BLK: variants seen among roughly 807,000 people sequenced by gnomAD.
BLK encodes tyrosine-protein kinase Blk.
BLK carries 64 observed loss-of-function variants against 61.8 expected under a neutral mutation model. The observed-to-expected ratio is 1.03, with a 90% CI of 0.85 to 1.27. The LOEUF is 1.27. Ranked by LOEUF, BLK falls within the 50% of genes most tolerant of loss-of-function variation. BLK has a pLI of 0.00. For synonymous variants in BLK, 351 were observed against 272.0 expected (o/e 1.29, Z -2.86); for missense variants, 853 against 660.5 (o/e 1.29, Z -3.19).
At chr8:11,522,377 A>G (rs1799488748) in intron 1 of BLK, among the ~76,000 whole-genome samples, 1 of 152,224 alleles carries the variant, frequency 6.6e-6, no homozygotes, top group South Asian at 2.1e-4. Context: ...TGGTGAGAAT[A>G]TGGGGAAAAT....
chr8:11,529,887 C>T lies in BLK; in HGVS notation c.-1-13337C>T, dbSNP rs992615360. On this transcript the variant is annotated intron_variant, in intron 1 of 12. Coordinates refer to ENST00000259089, the MANE Select transcript of BLK (RefSeq NM_001715.3). ...GCTTCAGGAGTCCCTGTAGAACTGACCTGAAGCCTCAAGGAATCCAGGTGA... is the reference window on the plus strand; with the variant it reads ...GCTTCAGGAGTCCCTGTAGAACTGATCTGAAGCCTCAAGGAATCCAGGTGA... Among the ~76,000 whole-genome samples, 16 of 152,242 alleles carry T rather than the reference C, an allele frequency of 1.1e-4. No individual in the cohort carries two copies. The South Asian group carries it at 3.1e-3, about 30-fold the overall frequency.
intron 3 of BLK, among the ~76,000 whole-genome samples, chr8:11,546,608 T>C (rs1005229386): frequency 2.0e-5 from 3 of 152,156 alleles, no homozygotes; most frequent in Non-Finnish European, 2.9e-5. Context: ...AGAGTCTCGC[T>C]CTTGTCACCC....
chr8:11,500,701 T>C (rs1462300396), intron 1 of BLK, among the ~76,000 whole-genome samples: 4 of 151,286 alleles, frequency 2.6e-5, no homozygotes, highest in East Asian at 3.9e-4. Context: ...TTTGTAGAGA[T>C]GGGTTTTTAC....
intron 1 of BLK, among the ~76,000 whole-genome samples, chr8:11,527,022 C>A (rs973659069): frequency 1.3e-5 from 2 of 152,130 alleles, no homozygotes; most frequent in African/African-American, 4.8e-5. Flanking sequence ...TTTCTTATAA[C>A]TCATGTCATT....
rs561962462 is a variant in BLK at position 11,545,497 on chromosome 8, C to T, written c.124-555C>T. Reference sequence around the variant, plus strand: ...TGAGGAGGCGGAGGTTGCAGTGATCCGAGATTACGCCACTGCACTCCAGCC... The same window carrying T: ...TGAGGAGGCGGAGGTTGCAGTGATCTGAGATTACGCCACTGCACTCCAGCC... On this transcript the variant is annotated intron_variant, in intron 2 of 12. Coordinates refer to ENST00000259089, the MANE Select transcript of BLK (RefSeq NM_001715.3). 3.3e-3 allele frequency among the ~76,000 whole-genome samples: 503 copies of T among 152,088 alleles called. 8 individuals carry two copies. Among genetic ancestry groups the T allele is most frequent in the Non-Finnish European group, 3.5e-3 (236 of 67,988 alleles).
In BLK at chr8:11,522,897, C is replaced by T. The variant is rs182402575; in HGVS notation, c.-1-20327C>T. 2.7e-3 allele frequency among the ~76,000 whole-genome samples: 418 copies of T among 152,112 alleles called. 4 individuals carry two copies. The highest frequency in any genetic ancestry group is 9.5e-3 in the African/African-American group (396 of 41,468). ...GGTTAACACCTACTAACTCCATGAT[C>T]ATTATTAATTTTGGAGAGAAAGAGA... is the stretch of plus-strand genomic sequence containing the variant. On this transcript the variant is annotated intron_variant, in intron 1 of 12. Coordinates refer to ENST00000259089, the MANE Select transcript of BLK (RefSeq NM_001715.3).
intron 1 of BLK, among the ~76,000 whole-genome samples, chr8:11,497,320 C>G (rs1012802291): frequency 6.6e-6 from 1 of 152,184 alleles, no homozygotes; most frequent in Non-Finnish European, 1.5e-5. Flanking sequence ...AGCAGCCCTC[C>G]CATTTGTGGA....
chr8:11,537,055 C>G (rs538452223), intron 1 of BLK, among the ~76,000 whole-genome samples: 35 of 152,324 alleles, frequency 2.3e-4, no homozygotes, highest in African/African-American at 8.4e-4. Context: ...TTGCTAGGAA[C>G]TGTTATCGGG....
At chr8:11,519,729 G>A (rs1275246627) in intron 1 of BLK, among the ~76,000 whole-genome samples, 2 of 152,154 alleles carry the variant, frequency 1.3e-5, no homozygotes, top group Non-Finnish European at 2.9e-5. Flanking sequence ...GATCAAGGAA[G>A]CTGACAAATA....
chr8:11,549,080 C>T lies in BLK; in HGVS notation c.326C>T (p.Pro109Leu), dbSNP rs1381179922. Reference protein sequence around the residue: ...SLVTGREGYVPSNFVARVESL... With the variant: ...SLVTGREGYVLSNFVARVESL... Reference sequence around the variant, plus strand: ...GTCACAGGAAGAGAAGGCTATGTGCCCAGTAACTTTGTGGCCCGAGTGGAG... The same window carrying T: ...GTCACAGGAAGAGAAGGCTATGTGCTCAGTAACTTTGTGGCCCGAGTGGAG... Residue 109 changes from proline (P) to leucine (L), a missense_variant, in exon 5 of 13, where the codon CCC becomes CTC. Coordinates refer to ENST00000259089, the MANE Select transcript of BLK (RefSeq NM_001715.3). 1.9e-6 allele frequency: 3 copies of T among 1,611,818 alleles called. No individual in the cohort carries two copies. The highest frequency in any genetic ancestry group is 2.5e-6 in the Non-Finnish European group (3 of 1,179,218).
rs780185322 is a variant in BLK at position 11,561,391 on chromosome 8, C to T, written c.1119C>T (p.Cys373=). 2.5e-6 allele frequency: 4 copies of T among 1,614,018 alleles called. No individual in the cohort carries two copies. The highest frequency in any genetic ancestry group is 2.2e-5 in the South Asian group (2 of 91,064). The change falls in exon 11 of 13, where the codon TGC becomes TGT. Residue 373 remains cysteine, a synonymous_variant. Transcript: ENST00000259089. ...AANILVSEAL[C]CKIADFGLAR... is the part of the protein sequence containing the mutation. ...ACATCCTGGTGTCTGAGGCCTTGTG[C>T]TGCAAAATTGCTGATTTTGGCTTGG...
At chr8:11,519,064 G>A (rs1585345687) in intron 1 of BLK, among the ~76,000 whole-genome samples, 2 of 152,150 alleles carry the variant, frequency 1.3e-5, no homozygotes, top group East Asian at 3.9e-4. Context: ...TACTTTGCTA[G>A]TCTGCCATCT....
chr8:11,561,864 G>T (rs1034528580), intron 11 of BLK, among the ~76,000 whole-genome samples: 1 of 151,646 alleles, frequency 6.6e-6, no homozygotes, highest in Admixed American at 6.6e-5. Context: ...TGTCACCCAG[G>T]CTGGAGTGCA....
rs575352968 is a variant in BLK at position 11,495,290 on chromosome 8, G to C, written c.-2+699G>C. Among the ~76,000 whole-genome samples, 5 of 149,420 alleles carry C rather than the reference G, an allele frequency of 3.3e-5. No homozygotes were observed. In the South Asian group the frequency reaches 1.1e-3, roughly 33 times the overall value. On this transcript the variant is annotated intron_variant, in intron 1 of 12. Transcript: ENST00000259089. ...ACCCTCATCCACCCACATTACCAAGGAACTAAGGAATTGTGCGTTTGCAGT... is the reference window on the plus strand; with the variant it reads ...ACCCTCATCCACCCACATTACCAAGCAACTAAGGAATTGTGCGTTTGCAGT...
intron 1 of BLK, among the ~76,000 whole-genome samples, chr8:11,516,356 C>G (rs1480786166): frequency 6.6e-6 from 1 of 152,198 alleles, no homozygotes; most frequent in East Asian, 1.9e-4. Flanking sequence ...TCACAGACCC[C>G]GAGTCCTGCA....
Position 11,541,988 on chromosome 8 carries a change from T to G in BLK, c.-1-1236T>G, listed in dbSNP as rs141483626. On this transcript the variant is annotated intron_variant, in intron 1 of 12. Transcript: ENST00000259089. ...TATGTGTTCTGTATGTAAGGCATAC[T>G]TGAAAAAACATACTTGTGAATTTTT... Among the ~76,000 whole-genome samples, 1,045 of 152,328 alleles carry G rather than the reference T, an allele frequency of 6.9e-3. 7 individuals carry two copies. The highest frequency in any genetic ancestry group is 9.7e-3 in the Non-Finnish European group (661 of 68,032).
intron 1 of BLK, among the ~76,000 whole-genome samples, chr8:11,526,922 A>G (rs543113307): frequency 1.3e-5 from 2 of 152,364 alleles, no homozygotes; most frequent in South Asian, 4.1e-4. Flanking sequence ...AAAATTTGCC[A>G]TTTGAGGGAG....
At chr8:11,503,841 C>T (rs1332906065) in intron 1 of BLK, among the ~76,000 whole-genome samples, 5 of 152,170 alleles carry the variant, frequency 3.3e-5, no homozygotes, top group African/African-American at 1.2e-4. Context: ...TCCACCCTCC[C>T]CTGCTGGTCA....
rs2618447 is a variant in BLK at position 11,523,137 on chromosome 8, T to C, written c.-1-20087T>C. ...GTTGTATATTTCTATCATCTAGGAG[T>C]GAGGAAGACATTTGCAAGTGTGAAC... On this transcript the variant is annotated intron_variant, in intron 1 of 12. Transcript: ENST00000259089. Among the ~76,000 whole-genome samples, 714 of 152,128 alleles carry C rather than the reference T, an allele frequency of 4.7e-3. 3 individuals are homozygous for C. Among genetic ancestry groups the C allele is most frequent in the African/African-American group, 0.015 (636 of 41,490 alleles).
Sources: allele counts gnomAD v4.1 joint callset (sites outside exome capture counted in the v4.1 genomes callset), GRCh38; gene constraint gnomAD v4.1.1; transcripts MANE v1.5; gene names NCBI Gene and HGNC (gene_info 2026-07-23, HGNC 2026-07-21).